Variants in MDFIC observed in about 807,000 individuals in gnomAD.
MDFIC encodes myoD family inhibitor domain-containing protein.
Under a neutral mutation model 23.2 loss-of-function variants are expected in MDFIC, and 17 were observed. The observed-to-expected ratio is 0.73, with a 90% confidence interval of 0.50 to 1.10. The LOEUF is 1.10. MDFIC is among the 50% of genes least tolerant of loss of function. MDFIC has a pLI of 0.00. For missense variants in MDFIC, 356 were observed against 316.6 expected (o/e 1.12, Z -0.95); for synonymous variants, 120 against 115.2 (o/e 1.04, Z -0.27).
At chr7:114,931,535 T>C (rs555961775) in intron 2 of MDFIC, among the ~76,000 whole-genome samples, 16 of 152,344 alleles carry the variant, frequency 1.1e-4, no homozygotes, top group African/African-American at 3.6e-4. Context: ...TGTATAGTTT[T>C]GCCCACAATG....
Position 114,967,091 on chromosome 7 carries a change from T to TA in MDFIC, c.218-12409dup, listed in dbSNP as rs569210407. ...CAATACTTTTCTTTGTTTAAATTTTTAAAAAAGTGTTGATGCAGTTGAAAT... is the reference window on the plus strand; with the variant it reads ...CAATACTTTTCTTTGTTTAAATTTTTAAAAAAAGTGTTGATGCAGTTGAAAT... On this transcript the variant is annotated intron_variant, in intron 3 of 4. Coordinates refer to ENST00000393486, the MANE Select transcript of MDFIC (RefSeq NM_001166345.3). 1.6e-3 allele frequency among the ~76,000 whole-genome samples: 249 copies of TA among 152,330 alleles called. 2 individuals are homozygous for TA. Among genetic ancestry groups the TA allele is most frequent in the African/African-American group, 5.7e-3 (236 of 41,576 alleles).
At chr7:114,922,747 C>A in intron 1 of MDFIC, 111 bp downstream of exon 1, 2 of 1,319,380 alleles carry the variant, frequency 1.5e-6, no homozygotes, top group Non-Finnish European at 2.0e-6. Flanking sequence ...CACCTCGGAC[C>A]CCTGGGACCC....
chr7:114,976,302 T>A (rs1793308324), intron 3 of MDFIC, among the ~76,000 whole-genome samples: 1 of 152,158 alleles, frequency 6.6e-6, no homozygotes, highest in East Asian at 1.9e-4. Context: ...CTCAGATTGC[T>A]TGAATTATTC....
intron 3 of MDFIC, among the ~76,000 whole-genome samples, chr7:114,950,405 G>T (rs868268514): frequency 6.6e-6 from 1 of 152,156 alleles, no homozygotes; most frequent in Non-Finnish European, 1.5e-5. Context: ...CAAATGATTT[G>T]TGGATATTGT....
intron 4 of MDFIC, among the ~76,000 whole-genome samples, chr7:115,012,736 G>A (rs775398500): frequency 2.0e-5 from 3 of 152,088 alleles, no homozygotes; most frequent in South Asian, 2.1e-4. Flanking sequence ...CCAGCACTTC[G>A]GGAGGCCAAG....
At chr7:114,953,603 G>C (rs1437623869) in intron 3 of MDFIC, among the ~76,000 whole-genome samples, 1 of 152,158 alleles carries the variant, frequency 6.6e-6, no homozygotes, top group Admixed American at 6.5e-5. Context: ...AGTGTTGAGT[G>C]TGATATGGCT....
chr7:114,978,920 T>C (rs1403460637), intron 3 of MDFIC, among the ~76,000 whole-genome samples: 1 of 152,184 alleles, frequency 6.6e-6, no homozygotes, highest in Non-Finnish European at 1.5e-5. Flanking sequence ...TTATCTTGTA[T>C]TCCTAATTTT....
chr7:114,941,996 T>C (rs974331900), intron 2 of MDFIC, among the ~76,000 whole-genome samples: 1 of 152,204 alleles, frequency 6.6e-6, no homozygotes, highest in Non-Finnish European at 1.5e-5. Context: ...TTCTCTATCA[T>C]GGCACATCAC....
intron 4 of MDFIC, among the ~76,000 whole-genome samples, chr7:115,005,084 T>C (rs1026278724): frequency 1.3e-5 from 2 of 152,268 alleles, no homozygotes; most frequent in South Asian, 4.1e-4. Context: ...GATTTAACTA[T>C]CTATTAGTTA....
At chr7:114,998,199 T>A (rs1791382878) in intron 4 of MDFIC, among the ~76,000 whole-genome samples, 1 of 152,234 alleles carries the variant, frequency 6.6e-6, no homozygotes, top group Non-Finnish European at 1.5e-5. Context: ...AACTGTCTGA[T>A]GACTCATGAG....
chr7:114,922,848 G>C, intron 1 of MDFIC, 79 bp from the exon 2 acceptor site: 1 of 1,462,574 alleles, frequency 6.8e-7, no homozygotes, highest in Non-Finnish European at 9.2e-7. Context: ...GAAGTGGAGG[G>C]GGAGGGAACG....
intron 3 of MDFIC, among the ~76,000 whole-genome samples, chr7:114,951,116 G>T (rs1385780818): frequency 1.3e-5 from 2 of 152,170 alleles, no homozygotes; most frequent in Non-Finnish European, 2.9e-5. Context: ...AGCCTAGGAG[G>T]TTGGGACTGC....
chr7:115,000,432 A>T (rs1373570057), intron 4 of MDFIC, among the ~76,000 whole-genome samples: 2 of 152,166 alleles, frequency 1.3e-5, no homozygotes, highest in Non-Finnish European at 2.9e-5. Context: ...TGGGTATTCT[A>T]TGTTATGGAT....
intron 4 of MDFIC, among the ~76,000 whole-genome samples, chr7:114,999,302 T>A (rs1408585735): frequency 6.6e-6 from 1 of 152,106 alleles, no homozygotes; most frequent in Non-Finnish European, 1.5e-5. Context: ...GCTCCAAAAA[T>A]CTCCATCAAA....
chr7:115,004,903 G>T (rs1023118154), intron 4 of MDFIC, among the ~76,000 whole-genome samples: 1 of 152,164 alleles, frequency 6.6e-6, no homozygotes, highest in Admixed American at 6.5e-5. Flanking sequence ...CGACAAGGCA[G>T]GCAAGGCCCT....
At chr7:115,007,630 G>GTATATATATATATATATATA (rs10528546) in intron 4 of MDFIC, among the ~76,000 whole-genome samples, 3 of 132,944 alleles carry the variant, frequency 2.3e-5, no homozygotes, top group East Asian at 2.1e-4. Context: ...GCGTGTGTGT[G>GTATATATATATATATATATA]TATATATATA....
chr7:115,007,646 A>ATATG (rs1163154847), intron 4 of MDFIC, among the ~76,000 whole-genome samples: 1 of 138,158 alleles, frequency 7.2e-6, no homozygotes, highest in Non-Finnish European at 1.6e-5. Flanking sequence ...ATATATATAT[A>ATATG]TATATATATA....
intron 3 of MDFIC, among the ~76,000 whole-genome samples, chr7:114,945,873 C>T (rs1792634006): frequency 6.6e-6 from 1 of 152,040 alleles, no homozygotes; most frequent in East Asian, 1.9e-4. Context: ...CTTTTATACT[C>T]TTAGAACATA....
chr7:114,991,979 T>G (rs184127729), intron 4 of MDFIC, among the ~76,000 whole-genome samples: 1 of 152,386 alleles, frequency 6.6e-6, no homozygotes, highest in East Asian at 1.9e-4. Flanking sequence ...TTCCTGTGCA[T>G]GAGCATGAAA....
Sources: allele counts gnomAD v4.1 joint callset (sites outside exome capture counted in the v4.1 genomes callset), GRCh38; gene constraint gnomAD v4.1.1; transcripts MANE v1.5; gene names NCBI Gene and HGNC (gene_info 2026-07-23, HGNC 2026-07-21).